CHADL: variants seen among roughly 807,000 people sequenced by gnomAD.
CHADL encodes chondroadherin like.
In CHADL, 48 loss-of-function variants were observed where a neutral mutation model predicts 52.1. That is an observed-to-expected ratio of 0.92 (90% CI 0.73 to 1.17). The LOEUF (loss-of-function observed/expected upper bound fraction) is 1.17. CHADL is among the 50% of genes most tolerant of loss of function. CHADL has a pLI of 0.00. For missense variants in CHADL, 977 were observed against 1,035.1 expected (o/e 0.94, Z 0.77); for synonymous variants, 498 against 511.2 (o/e 0.97, Z 0.35).
intron 5 of CHADL, among the ~76,000 whole-genome samples, chr22:41,232,618 C>T (rs1180499395): frequency 6.6e-6 from 1 of 152,182 alleles, no homozygotes; most frequent in Non-Finnish European, 1.5e-5. Context: ...CTGCTACTTT[C>T]ATCAAAATAA....
chr22:41,232,217 A>G (rs2032625701), intron 5 of CHADL, among the ~76,000 whole-genome samples: 1 of 151,806 alleles, frequency 6.6e-6, no homozygotes, highest in African/African-American at 2.4e-5. Context: ...CTGTAATCCC[A>G]GCTACTCGGG....
intron 4 of CHADL, among the ~76,000 whole-genome samples, chr22:41,235,880 A>AT (rs1383612472): frequency 1.2e-4 from 18 of 150,718 alleles, no homozygotes; most frequent in Admixed American, 2.0e-4. Flanking sequence ...GTGACTTTTT[A>AT]TTTTTTTTTG....
In CHADL at chr22:41,237,575, G is replaced by A. The variant is rs776827284; in HGVS notation, c.1497C>T (p.Leu499=). The change falls in exon 3 of 6, where the codon CTC becomes CTT. Residue 499 remains leucine (L), a synonymous_variant. Transcript: ENST00000216241. The stretch of plus-strand genomic sequence containing the variant: ...GGTTGCGTTCTAGGTACAGGTAGCC[G>A]AGGCGGGGAGCCCCTTCAAGGGCAG... ...SAAALEGAPR[L]GYLYLERNRF... 126 of 1,550,388 alleles carry A rather than the reference G, an allele frequency of 8.1e-5. No individual in the cohort carries two copies. The highest frequency in any genetic ancestry group is 7.8e-6 in the Non-Finnish European group (9 of 1,146,934).
intron 1 of CHADL, 79 bp downstream of exon 1, chr22:41,240,795 C>T (rs895862737): frequency 9.9e-6 from 15 of 1,517,288 alleles, no homozygotes; most frequent in Admixed American, 3.9e-5. Context: ...CTCTGAGAGG[C>T]CCAGAGGGGG....
At position 41,238,620 on chromosome 22, in the gene CHADL, G is replaced by A; in HGVS notation, c.452C>T (p.Pro151Leu). 1.3e-6 allele frequency: 2 copies of A among 1,544,434 alleles called. No homozygotes were observed. Among genetic ancestry groups the A allele is most frequent in the South Asian group, 1.2e-5 (1 of 84,022 alleles). ...CGCACCCAGTGCCCCGAACGTCCCC[G>A]GCCGCAGCTCCTCCAGTGCGTTCCC... ...LEGNALEELR[P>L]GTFGALGALA... Residue 151 changes from proline (P) to leucine (L), a missense_variant, in exon 3 of 6, where the codon CCG (proline) becomes CTG (leucine). Coordinates refer to ENST00000216241, the MANE Select transcript of CHADL (RefSeq NM_138481.2). The surrounding 1 kb of genome is among the most constrained non-coding windows in gnomAD (Gnocchi z 4.9).
Position 41,238,542 on chromosome 22 carries a change from G to T in CHADL, c.530C>A (p.Ala177Asp), listed in dbSNP as rs754747254. 1 of 1,545,590 alleles carries T rather than the reference G, an allele frequency of 6.5e-7. No individual in the cohort carries two copies. The highest frequency in any genetic ancestry group is 8.7e-7 in the Non-Finnish European group (1 of 1,146,220). Residue 177 changes from alanine (A) to aspartate (D), a missense_variant, in exon 3 of 6, where the codon GCC becomes GAC. Transcript: ENST00000216241. This position sits in a 1 kb window ranked among gnomAD's most constrained non-coding sequence, Gnocchi z 4.9. ...GCGGACGCGCAGTAGCCCCTGGAAG[G>T]CCATGGCGGGCAGGTAAACCAGGGC... The part of the protein sequence containing the change: ...HNALVYLPAM[A>D]FQGLLRVRWL...
intron 2 of CHADL, 114 bp downstream of exon 2, chr22:41,239,329 C>G (rs1011911798): frequency 1.1e-6 from 1 of 932,908 alleles, no homozygotes; most frequent in Non-Finnish European, 1.6e-6. Context: ...AGTAATTTGC[C>G]AAGGTCTCCC....
Position 41,229,663 on chromosome 22 carries a change from G to A in CHADL, c.*41C>T. 6.2e-7 allele frequency: 1 copy of A among 1,613,282 alleles called. No individual in the cohort carries two copies. The highest frequency in any genetic ancestry group is 8.5e-7 in the Non-Finnish European group (1 of 1,180,012). On this transcript the variant is annotated 3_prime_UTR_variant, in exon 6 of 6. Coordinates refer to ENST00000216241, the MANE Select transcript of CHADL (RefSeq NM_138481.2). ...GAGCCTGTTCCTGGCGAGAGTAAGA[G>A]CCACCGGGCTGGGTCAAGGCAGGAC...
At chr22:41,235,441 G>A in intron 4 of CHADL, 98 bp from the exon 5 acceptor site, 1 of 863,618 alleles carries the variant, frequency 1.2e-6, no homozygotes, top group Admixed American at 2.4e-5. Context: ...TGGTGCAGAA[G>A]GCAGCACAAG....
At chr22:41,240,778 C>T (rs770673335) in intron 1 of CHADL, 96 bp downstream of exon 1, 45 of 1,458,060 alleles carry the variant, frequency 3.1e-5, no homozygotes, top group South Asian at 1.8e-4. Context: ...AGCCCCTGCC[C>T]GCCAGCCTCT....
rs755351685 is a variant in CHADL at position 41,238,589 on chromosome 22, G to T, written c.483C>A (p.Ala161=). ...PGTFGALGAL[A]TLNLAHNALV... The stretch of plus-strand genomic sequence containing the variant: ...GGGCGTTGTGGGCCAGGTTTAGCGT[G>T]GCCAGCGCACCCAGTGCCCCGAACG... The change falls in exon 3 of 6, where the codon GCC becomes GCA. Residue 161 remains alanine, a synonymous_variant. Coordinates refer to ENST00000216241, the MANE Select transcript of CHADL (RefSeq NM_138481.2). This position sits in a 1 kb window ranked among gnomAD's most constrained non-coding sequence, Gnocchi z 4.9. The T allele has an allele frequency of 7.1e-6, 11 of 1,545,610 alleles. No individual in the cohort carries two copies. The highest frequency in any genetic ancestry group is 1.4e-5 in the African/African-American group (1 of 73,016).
Position 41,236,465 on chromosome 22 carries a change from T to C in CHADL, c.2063+19A>G. 6.5e-7 allele frequency: 1 copy of C among 1,545,338 alleles called. No homozygotes were observed. The highest frequency in any genetic ancestry group is 2.0e-5 in the Admixed American group (1 of 50,780). ...TGGCTGGGTGGTCTTTGGCTGGAGG[T>C]CTAGGTGGGGGTGCCCACCTGTGCA... On this transcript the variant is annotated intron_variant, in intron 4 of 5. Coordinates refer to ENST00000216241, the MANE Select transcript of CHADL (RefSeq NM_138481.2).
chr22:41,240,572 C>CT (rs1409924288), intron 1 of CHADL, among the ~76,000 whole-genome samples: 2 of 152,250 alleles, frequency 1.3e-5, no homozygotes, highest in African/African-American at 4.8e-5. Flanking sequence ...GTGGTGAAGG[C>CT]TGTGCCTCAG....
Position 41,238,405 on chromosome 22 carries a change from CG to C in CHADL, c.666del (p.Pro224LeufsTer67). 1 of 1,514,700 alleles carries C rather than the reference CG, an allele frequency of 6.6e-7. No individual in the cohort carries two copies. The highest frequency in any genetic ancestry group is 8.8e-7 in the Non-Finnish European group (1 of 1,134,858). The allele number at this position is 1,514,700 out of a possible 1,614,324, so 93.8% of individuals were successfully genotyped here. ...CCGCGGGCCTGGGACAAGACAGGCC[CG>C]GGCAGAGCCTGGAGCTCGTTGTGGT... ...SLHHNELQALPGPVLSQARGL... is the reference protein window; with the variant it reads ...SLHHNELQALXGPVLSQARGL... On this transcript the variant is annotated frameshift_variant, in exon 3 of 6. Coordinates refer to ENST00000216241, the MANE Select transcript of CHADL (RefSeq NM_138481.2). LOFTEE classifies it high-confidence loss of function. The surrounding 1 kb of genome is among the most constrained non-coding windows in gnomAD (Gnocchi z 4.9).
Position 41,235,408 on chromosome 22 carries a change from G to A in CHADL, c.2064-65C>T, listed in dbSNP as rs1002066093. Reference sequence around the variant, plus strand: ...TCTGCTCCAGTGGCCTGGAGCAGGTGGGCACTGGGTGTGGGGCAGGGTTGG... The same window carrying A: ...TCTGCTCCAGTGGCCTGGAGCAGGTAGGCACTGGGTGTGGGGCAGGGTTGG... On this transcript the variant is annotated intron_variant, in intron 4 of 5. Coordinates refer to ENST00000216241, the MANE Select transcript of CHADL (RefSeq NM_138481.2). The A allele has an allele frequency of 5.9e-6, 8 of 1,364,810 alleles. No homozygotes were observed. The African/African-American group carries it at 1.0e-4, about 17-fold the overall frequency. 84.5% of individuals were successfully genotyped at this position (1,364,810 alleles called of 1,614,324 possible). A position where few individuals can be genotyped will look rare whatever the true frequency, so the allele number is the denominator to read the frequency against.
At position 41,230,070 on chromosome 22, in the gene CHADL, A is replaced by G. The variant is rs541556520; in HGVS notation, c.2263-340T>C. Reference sequence around the variant, plus strand: ...CTGTAGGGAGCCAGGTCCCTTTCCCAGCTCCTCCGCCCCCACCCCTCCCAG... The same window carrying G: ...CTGTAGGGAGCCAGGTCCCTTTCCCGGCTCCTCCGCCCCCACCCCTCCCAG... On this transcript the variant is annotated intron_variant, in intron 5 of 5. Coordinates refer to ENST00000216241, the MANE Select transcript of CHADL (RefSeq NM_138481.2). 4.2e-5 allele frequency: 44 copies of G among 1,056,346 alleles called. No individual in the cohort carries two copies. In the African/African-American group the frequency reaches 6.6e-4, roughly 16 times the overall value. The allele number at this position is 1,056,346 out of a possible 1,614,324, so 65.4% of individuals were successfully genotyped here. A position where few individuals can be genotyped will look rare whatever the true frequency, so the allele number is the denominator to read the frequency against.
chr22:41,238,793 C>T lies in CHADL; in HGVS notation c.279G>A (p.Leu93=). Residue 93 remains leucine, a synonymous_variant, in exon 3 of 6, where the codon CTG becomes CTA. Coordinates refer to ENST00000216241, the MANE Select transcript of CHADL (RefSeq NM_138481.2). This position sits in a 1 kb window ranked among gnomAD's most constrained non-coding sequence, Gnocchi z 4.9. ...CCACCAGCTCCACCTCGCAGTGGCG[C>T]AGGTCCAGGTGTGTGAGGTGAGGCA... ...QGVPHLTHLD[L]RHCEVELVAE... The T allele has an allele frequency of 6.5e-7, 1 of 1,549,776 alleles. No individual in the cohort carries two copies. Among genetic ancestry groups the T allele is most frequent in the South Asian group, 1.2e-5 (1 of 84,042 alleles).
In CHADL at chr22:41,237,455, C is replaced by G. The variant is rs1233795105; in HGVS notation, c.1617G>C (p.Gly539=). The stretch of plus-strand genomic sequence containing the variant: ...GCAAGGCCCGTGTTCTCCCCAGGTC[C>G]CCAGGTGCCAGGCGGTCCACAGCGT... ...QDNAVDRLAP[G]DLGRTRALRW... Residue 539 remains glycine (G), a synonymous_variant, in exon 3 of 6, where the codon GGG becomes GGC. Transcript: ENST00000216241. 1 of 1,550,532 alleles carries G rather than the reference C, an allele frequency of 6.4e-7. No individual in the cohort carries two copies. Among genetic ancestry groups the G allele is most frequent in the Admixed American group, 2.0e-5 (1 of 51,012 alleles).
chr22:41,232,589 T>G (rs2032642698), intron 5 of CHADL, among the ~76,000 whole-genome samples: 1 of 152,154 alleles, frequency 6.6e-6, no homozygotes, highest in African/African-American at 2.4e-5. Context: ...TTGAATTCCT[T>G]TGTATTCCTG....
Sources: gnomAD v4.1 joint callset for allele counts (sites outside exome capture counted in the v4.1 genomes callset) on GRCh38, gnomAD v4.1.1 for gene constraint, Gnocchi (gnomAD v3.1) non-coding constraint, MANE v1.5 for transcripts, NCBI Gene and HGNC (gene_info 2026-07-23, HGNC 2026-07-21) for gene names.